The following NDE1 variants were observed in gnomAD, a reference collection of about 807,000 sequenced individuals.
NDE1 encodes the protein nudE neurodevelopment protein 1, also known as nuclear distribution protein nudE homolog 1.
A neutral mutation model predicts 43.4 loss-of-function variants in NDE1; 28 were observed. The observed-to-expected ratio is 0.65, with a 90% CI of 0.48 to 0.89. The LOEUF is 0.89. NDE1 is among the 40% of genes least tolerant of loss of function. The pLI is 0.00. For missense variants in NDE1, 441 were observed against 434.1 expected (o/e 1.02, Z -0.14); for synonymous variants, 184 against 172.0 (o/e 1.07, Z -0.55).
Position 15,708,832 on chromosome 16 carries a change from G to T in NDE1, c.947+11972G>T, listed in dbSNP as rs1057524493. 5 of 1,610,160 alleles carry T rather than the reference G, an allele frequency of 3.1e-6. No individual in the cohort carries two copies. The highest frequency in any genetic ancestry group is 4.2e-6 in the Non-Finnish European group (5 of 1,178,668). ...TGCATCACTGCGAAGTTTCCTGTGG[G>T]GGGGGCCCTCTGAAACAGAGAGAGA... On this transcript the variant is annotated intron_variant, in intron 8 of 8. Coordinates refer to ENST00000396354, the MANE Select transcript of NDE1 (RefSeq NM_017668.3).
At chr16:15,717,443 C>G (rs562949950) in intron 8 of NDE1, 6 of 1,325,324 alleles carry the variant, frequency 4.5e-6, no homozygotes, top group South Asian at 1.2e-5. Context: ...GGCCTCTGCA[C>G]GAGTCCCTTG....
intron 1 of NDE1, among the ~76,000 whole-genome samples, chr16:15,664,327 T>G (rs2037192537): frequency 6.6e-6 from 1 of 152,100 alleles, no homozygotes; most frequent in African/African-American, 2.4e-5. Context: ...TTGGCAGTAT[T>G]TAATCATTTA....
chr16:15,700,710 C>T (rs1278894157), intron 8 of NDE1, among the ~76,000 whole-genome samples: 1 of 152,078 alleles, frequency 6.6e-6, no homozygotes, highest in Non-Finnish European at 1.5e-5. Flanking sequence ...CTCAGCCTCC[C>T]AGAGTGCTGG....
chr16:15,681,154 A>G (rs771109297), intron 4 of NDE1, among the ~76,000 whole-genome samples: 1 of 144,580 alleles, frequency 6.9e-6, no homozygotes, highest in Non-Finnish European at 1.5e-5. Context: ...TTAGTCTGCA[A>G]TGAATTTATT....
Position 15,697,134 on chromosome 16 carries a change from C to G in NDE1, c.947+274C>G, listed in dbSNP as rs548351179. The G allele has an allele frequency of 6.5e-5, 59 of 902,704 alleles. No homozygotes were observed. In the African/African-American group the frequency reaches 1.0e-3, roughly 15 times the overall value. 55.9% of individuals were successfully genotyped at this position (902,704 alleles called of 1,614,324 possible). A position where few individuals can be genotyped will look rare whatever the true frequency, so the allele number is the denominator to read the frequency against. On this transcript the variant is annotated intron_variant, in intron 8 of 8. Transcript: ENST00000396354. ...CAGGATCATGGCTCACCCTCTGCCT[C>G]CCAGCTCAAACGATCCTCCCACCTC...
chr16:15,724,856 A>G lies in NDE1; in HGVS notation c.*605A>G. On this transcript the variant is annotated 3_prime_UTR_variant, in exon 9 of 9. Transcript: ENST00000396354. ...CCTGCCCCGAGGAAGGCCACCCCCC[A>G]GGTCCCCTGGATGATGTGGCAGGAC... 1 of 1,613,832 alleles carries G rather than the reference A, an allele frequency of 6.2e-7. No individual in the cohort carries two copies. Among genetic ancestry groups the G allele is most frequent in the Non-Finnish European group, 8.5e-7 (1 of 1,179,952 alleles).
At chr16:15,714,296 A>C (rs994252347) in intron 8 of NDE1, 2 of 155,206 alleles carry the variant, frequency 1.3e-5, no homozygotes, top group African/African-American at 4.8e-5. Flanking sequence ...TGGCAGTCGT[A>C]CCCTCCCATC....
intron 4 of NDE1, chr16:15,687,117 G>C: frequency 7.4e-7 from 1 of 1,353,638 alleles, no homozygotes; most frequent in African/African-American, 1.5e-5. Context: ...GCTTATTGCT[G>C]AGTGCTGTGT....
chr16:15,675,605 T>C (rs544209168), intron 3 of NDE1, among the ~76,000 whole-genome samples: 1 of 152,072 alleles, frequency 6.6e-6, no homozygotes, highest in East Asian at 1.9e-4. Flanking sequence ...CCTGGCTGTT[T>C]TCACATTTTT....
At chr16:15,695,058 T>C (rs540791680) in intron 7 of NDE1, 10 of 256,020 alleles carry the variant, frequency 3.9e-5, no homozygotes, top group Non-Finnish European at 6.1e-5. Context: ...TGGTGTACAC[T>C]GGTGGTCCCA....
intron 4 of NDE1, among the ~76,000 whole-genome samples, chr16:15,680,581 T>C (rs1247424883): frequency 6.6e-6 from 1 of 152,172 alleles, no homozygotes; most frequent in East Asian, 1.9e-4. Context: ...TCTCCCAGGC[T>C]GGAGCTGGAG....
rs533671828 is a variant in NDE1 at position 15,722,831 on chromosome 16, C to A, written c.948-1360C>A. On this transcript the variant is annotated intron_variant, in intron 8 of 8. Coordinates refer to ENST00000396354, the MANE Select transcript of NDE1 (RefSeq NM_017668.3). ...TCTTGGCTCACTGCAACCTCCACCC[C>A]ACCCTGGGTTCAAGCGATTCTCCTG... is the stretch of plus-strand genomic sequence containing the variant. Among the ~76,000 whole-genome samples, 5 of 152,300 alleles carry A rather than the reference C, an allele frequency of 3.3e-5. 1 individual carries two copies. In the South Asian group the frequency reaches 8.3e-4, roughly 25 times the overall value.
chr16:15,704,983 A>T (rs1471888752), intron 8 of NDE1, among the ~76,000 whole-genome samples: 2 of 152,090 alleles, frequency 1.3e-5, no homozygotes, highest in African/African-American at 4.8e-5. Context: ...CTGGCCTTCA[A>T]GGTGGATTTA....
In NDE1 at chr16:15,691,065, C is replaced by T. The variant is rs986318352; in HGVS notation, c.524-79C>T. The T allele has an allele frequency of 1.3e-5, 21 of 1,589,880 alleles. No homozygotes were observed. In the African/African-American group the frequency reaches 2.7e-4, roughly 20 times the overall value. On this transcript the variant is annotated intron_variant, in intron 5 of 8. Transcript: ENST00000396354. ...TCAGGCGATCCACCTGCCTTGGCCT[C>T]CCAAAGTGCTGGCATTATAAACATG... is the stretch of plus-strand genomic sequence containing the variant.
chr16:15,712,942 C>T (rs2039903564), intron 8 of NDE1: 1 of 144,512 alleles, frequency 6.9e-6, no homozygotes. Flanking sequence ...CAACCTCTCT[C>T]TCCCGGTTTT....
In NDE1 at chr16:15,725,133, A is replaced by T. The variant is rs902726625; in HGVS notation, c.*882A>T. The T allele has an allele frequency of 4.3e-5, 27 of 634,736 alleles. No individual in the cohort carries two copies. The highest frequency in any genetic ancestry group is 7.7e-4 in the Middle Eastern group (2 of 2,608). 39.3% of individuals were successfully genotyped at this position (634,736 alleles called of 1,614,324 possible). A position where few individuals can be genotyped will look rare whatever the true frequency, so the allele number is the denominator to read the frequency against. On this transcript the variant is annotated 3_prime_UTR_variant, in exon 9 of 9. Transcript: ENST00000396354. ...AATACCCGTGAGGTATGGGACTCTG[A>T]TAAAAAAAAAAAAAAACACACACAC... is the stretch of plus-strand genomic sequence containing the variant.
intron 1 of NDE1, among the ~76,000 whole-genome samples, chr16:15,661,484 G>T (rs1172944760): frequency 6.6e-6 from 1 of 151,546 alleles, no homozygotes; most frequent in Non-Finnish European, 1.5e-5. Context: ...TTTTGAGACG[G>T]GATCTTGCTG....
intron 8 of NDE1, chr16:15,719,364 G>C: frequency 6.3e-7 from 1 of 1,578,136 alleles, no homozygotes; most frequent in Admixed American, 1.7e-5. Flanking sequence ...GCCCCACCAA[G>C]AGTCCACCCT....
intron 8 of NDE1, among the ~76,000 whole-genome samples, chr16:15,707,366 A>C (rs2039513601): frequency 6.6e-6 from 1 of 152,168 alleles, no homozygotes; most frequent in African/African-American, 2.4e-5. Flanking sequence ...AGCTTATCCA[A>C]GGCCTCGGGA....
Sources: gnomAD v4.1 joint callset for allele counts (sites outside exome capture counted in the v4.1 genomes callset) on GRCh38, gnomAD v4.1.1 for gene constraint, MANE v1.5 for transcripts, NCBI Gene and HGNC (gene_info 2026-07-23, HGNC 2026-07-21) for gene names.